Variants in EPS8L3 observed in about 807,000 individuals in gnomAD.
EPS8L3 encodes the protein EPS8 signaling adaptor L3, also known as epidermal growth factor receptor kinase substrate 8-like protein 3.
Under a neutral mutation model 88.5 loss-of-function variants are expected in EPS8L3, and 80 were observed. That is an observed-to-expected ratio of 0.90 (90% CI 0.75 to 1.09). The LOEUF (loss-of-function observed/expected upper bound fraction) is 1.09. EPS8L3 is among the 50% of genes least tolerant of loss of function. The pLI is 0.00. For missense variants in EPS8L3, 721 were observed against 735.2 expected (o/e 0.98, Z 0.22); for synonymous variants, 286 against 291.0 (o/e 0.98, Z 0.18).
Position 109,754,060 on chromosome 1 carries a change from CT to C in EPS8L3, c.1119-863del, listed in dbSNP as rs1376684088. On this transcript the variant is annotated intron_variant, in intron 12 of 18. Transcript: ENST00000361965. ...GGAATGATTCCCTCTTCTCAATTTTCTTAATTGTTTCCTTCTGTGCCTTAGA... is the reference window on the plus strand; with the variant it reads ...GGAATGATTCCCTCTTCTCAATTTTCTAATTGTTTCCTTCTGTGCCTTAGA... Among the ~76,000 whole-genome samples the C allele has an allele frequency of 2.6e-5, 4 of 152,316 alleles. No homozygotes were observed. In the East Asian group the frequency reaches 7.7e-4, roughly 29 times the overall value.
chr1:109,753,232 C>T (rs1207881172), intron 12 of EPS8L3, 34 bp from the exon 13 acceptor site: 3 of 1,508,178 alleles, frequency 2.0e-6, no homozygotes, highest in Non-Finnish European at 2.7e-6. Context: ...TTCACATCCA[C>T]TCTGTGAACT....
At chr1:109,762,123 T>C (rs1453402711) in intron 1 of EPS8L3, among the ~76,000 whole-genome samples, 1 of 152,116 alleles carries the variant, frequency 6.6e-6, no homozygotes, top group African/African-American at 2.4e-5. Context: ...TCAGATCCTA[T>C]CTTGGGCCTG....
At chr1:109,751,050 C>T (rs17597934) in intron 17 of EPS8L3, among the ~76,000 whole-genome samples, 6,768 of 152,252 alleles carry the variant, frequency 0.044, 212 homozygotes, top group Non-Finnish European at 0.07. Flanking sequence ...GGGTTCTTCC[C>T]GAGTCCACTC....
At position 109,759,543 on chromosome 1, in the gene EPS8L3, C is replaced by G. The variant is rs926780619; in HGVS notation, c.255+135G>C. The stretch of plus-strand genomic sequence containing the variant: ...TGTCCCCAGCCTCTGTCCCCTGTCT[C>G]TTCCTAGGCTTGGGTGTGTGTTGTA... On this transcript the variant is annotated intron_variant, in intron 4 of 18. Coordinates refer to ENST00000361965, the MANE Select transcript of EPS8L3 (RefSeq NM_133181.4). The surrounding 1 kb of genome is among the most constrained non-coding windows in gnomAD (Gnocchi z 4.2). 4.7e-6 allele frequency: 7 copies of G among 1,481,978 alleles called. No individual in the cohort carries two copies. Among genetic ancestry groups the G allele is most frequent in the Non-Finnish European group, 6.4e-6 (7 of 1,101,910 alleles). The allele number at this position is 1,481,978 out of a possible 1,614,324, so 91.8% of individuals were successfully genotyped here.
At chr1:109,750,915 G>A (rs1470094924) in intron 17 of EPS8L3, 123 bp from the exon 18 acceptor site, 3 of 1,169,544 alleles carry the variant, frequency 2.6e-6, no homozygotes, top group Non-Finnish European at 3.6e-6. Flanking sequence ...CATGGAGTAG[G>A]CTATCTGAGA....
rs547104236 is a variant in EPS8L3 at position 109,751,690 on chromosome 1, C to T, written c.1527G>A (p.Pro509=). The change falls in exon 16 of 19, where the codon CCG becomes CCA. Residue 509 remains proline (P), a synonymous_variant. Coordinates refer to ENST00000361965, the MANE Select transcript of EPS8L3 (RefSeq NM_133181.4). ...ACTGGCCCTGGGTCCCAGGGGTCCC[C>T]GGCTGTAGGGGCTCCAGGATGTTGC... ...IPSNILEPLQ[P]GTPGTQGQSP... is the part of the protein sequence containing the mutation. 4.4e-5 allele frequency: 71 copies of T among 1,613,976 alleles called. 1 individual carries two copies. The Middle Eastern group carries it at 6.6e-4, about 15-fold the overall frequency.
chr1:109,761,366 T>G, intron 3 of EPS8L3, 129 bp downstream of exon 3: 1 of 751,912 alleles, frequency 1.3e-6, no homozygotes, highest in East Asian at 2.7e-5. Flanking sequence ...CCATGCGACA[T>G]GGTTGGGACA....
intron 13 of EPS8L3, 73 bp from the exon 14 acceptor site, chr1:109,752,793 G>C: frequency 7.4e-7 from 1 of 1,348,594 alleles, no homozygotes; most frequent in African/African-American, 1.4e-5. Context: ...TGGGGTATCC[G>C]ACCACAGGCA....
chr1:109,763,109 T>C (rs980178141), intron 1 of EPS8L3, among the ~76,000 whole-genome samples: 8 of 152,178 alleles, frequency 5.3e-5, no homozygotes, highest in Admixed American at 5.2e-4. Flanking sequence ...TTAGGACTGT[T>C]GTGAAAATGA....
At chr1:109,760,294 G>A (rs1449733535) in intron 3 of EPS8L3, among the ~76,000 whole-genome samples, 1 of 152,158 alleles carries the variant, frequency 6.6e-6, no homozygotes, top group African/African-American at 2.4e-5. Context: ...CCTTCTCCCT[G>A]GTTCATGCCT....
At position 109,751,352 on chromosome 1, in the gene EPS8L3, C is replaced by CTA; in HGVS notation, c.1564-3_1564-2dup. On this transcript the variant is annotated splice_acceptor_variant, in intron 16 of 18. Coordinates refer to ENST00000361965, the MANE Select transcript of EPS8L3 (RefSeq NM_133181.4). LOFTEE classifies it high-confidence loss of function. ...TCGAGCTAAGTCGAAGCATTGGAAC[C>CTA]TAGAATCAGGGGGAACCAGGGATCA... The CTA allele has an allele frequency of 6.2e-7, 1 of 1,613,548 alleles. No homozygotes were observed. Among genetic ancestry groups the CTA allele is most frequent in the South Asian group, 1.1e-5 (1 of 91,004 alleles).
In EPS8L3 at chr1:109,759,612, C is replaced by G; in HGVS notation, c.255+66G>C. On this transcript the variant is annotated intron_variant, in intron 4 of 18. Coordinates refer to ENST00000361965, the MANE Select transcript of EPS8L3 (RefSeq NM_133181.4). The surrounding 1 kb of genome is among the most constrained non-coding windows in gnomAD (Gnocchi z 4.2). Reference sequence around the variant, plus strand: ...CCTTTGGGGCATGGAGGGTGGAGTTCAAGAGCTAGTGCTTGCTTCCCCACA... The same window carrying G: ...CCTTTGGGGCATGGAGGGTGGAGTTGAAGAGCTAGTGCTTGCTTCCCCACA... 6.4e-7 allele frequency: 1 copy of G among 1,570,658 alleles called. No homozygotes were observed. Among genetic ancestry groups the G allele is most frequent in the Non-Finnish European group, 8.6e-7 (1 of 1,159,676 alleles).
At chr1:109,751,184 T>G in intron 17 of EPS8L3, 94 bp downstream of exon 17, 1 of 1,114,056 alleles carries the variant, frequency 9.0e-7, no homozygotes, top group Non-Finnish European at 1.3e-6. Flanking sequence ...TCATGTACAA[T>G]GTAGGCCAGG....
At chr1:109,750,556 T>TGGG (rs1649684309) in intron 18 of EPS8L3, 104 bp downstream of exon 18, 27 of 1,592,970 alleles carry the variant, frequency 1.7e-5, no homozygotes, top group Non-Finnish European at 1.7e-6. Context: ...CCACACTCAG[T>TGGG]TCTGCCCCAG....
Position 109,750,314 on chromosome 1 carries a change from C to T in EPS8L3, c.*77G>A. On this transcript the variant is annotated 3_prime_UTR_variant, in exon 19 of 19. Transcript: ENST00000361965. The stretch of plus-strand genomic sequence containing the variant: ...CAAACTGGGATCCAGAAGAGGAATT[C>T]TCGGGGCTCTAATGGGTATCAGATC... 6.4e-7 allele frequency: 1 copy of T among 1,570,128 alleles called. No homozygotes were observed. The highest frequency in any genetic ancestry group is 8.7e-7 in the Non-Finnish European group (1 of 1,147,560).
In EPS8L3 at chr1:109,758,352, C is replaced by T; in HGVS notation, c.681G>A (p.Arg227=). The change falls in exon 8 of 19, where the codon AGG becomes AGA. Residue 227 remains arginine (R), a synonymous_variant. Coordinates refer to ENST00000361965, the MANE Select transcript of EPS8L3 (RefSeq NM_133181.4). ...CTGGGTCCTCGGGGGAAGAGGACCG[C>T]CTTGGAGGAGGCAGAGTAAAGGCAC... is the stretch of plus-strand genomic sequence containing the variant. ...EPSAFTLPPP[R]RSSSPEDPER... The T allele has an allele frequency of 6.2e-7, 1 of 1,613,630 alleles. No homozygotes were observed. Among genetic ancestry groups the T allele is most frequent in the Non-Finnish European group, 8.5e-7 (1 of 1,179,876 alleles).
rs767771217 is a variant in EPS8L3 at position 109,757,115 on chromosome 1, G to A, written c.1020C>T (p.Pro340=). The A allele has an allele frequency of 1.2e-6, 2 of 1,614,048 alleles. No homozygotes were observed. The highest frequency in any genetic ancestry group is 1.7e-6 in the Non-Finnish European group (2 of 1,179,932). Residue 340 remains proline, a synonymous_variant, in exon 12 of 19, where the codon CCC becomes CCT. Coordinates refer to ENST00000361965, the MANE Select transcript of EPS8L3 (RefSeq NM_133181.4). ...GGTTGATAGCTTTAGGGGTGAGGAGGGGTGAGATCACTTGGGCTGCTAGGC... is the reference window on the plus strand; with the variant it reads ...GGTTGATAGCTTTAGGGGTGAGGAGAGGTGAGATCACTTGGGCTGCTAGGC... ...EAGLAAQVIS[P]LLTPKAINLL...
At chr1:109,754,125 AGCT>A (rs1650061200) in intron 12 of EPS8L3, among the ~76,000 whole-genome samples, 2 of 150,632 alleles carry the variant, frequency 1.3e-5, no homozygotes, top group Admixed American at 6.6e-5. Flanking sequence ...ACTCCGTATA[AGCT>A]GTCATCCTAT....
At position 109,757,511 on chromosome 1, in the gene EPS8L3, G is replaced by C. The variant is rs267597912; in HGVS notation, c.939C>G (p.Leu313=). The change falls in exon 11 of 19, where the codon CTC becomes CTG. Residue 313 remains leucine (L), a synonymous_variant. Transcript: ENST00000361965. ...TWLKETSAPE[L]VHILFKSLNF... ...TCAGGGACTTGAAGAGGATGTGTAC[G>C]AGCTCAGGGGCACTTGTCTCCTTCA... The C allele has an allele frequency of 6.2e-7, 1 of 1,614,074 alleles. No individual in the cohort carries two copies. Among genetic ancestry groups the C allele is most frequent in the South Asian group, 1.1e-5 (1 of 91,046 alleles).
Sources: allele counts gnomAD v4.1 joint callset (sites outside exome capture counted in the v4.1 genomes callset), GRCh38; gene constraint gnomAD v4.1.1; non-coding constraint Gnocchi (gnomAD v3.1); transcripts MANE v1.5; gene names NCBI Gene and HGNC (gene_info 2026-07-23, HGNC 2026-07-21).